Variants in LUZP2 observed in about 807,000 individuals in gnomAD.
The protein encoded by LUZP2 is leucine zipper protein 2.
Under a neutral mutation model 51.6 loss-of-function variants are expected in LUZP2, and 52 were observed. That is an observed-to-expected ratio of 1.01 (90% confidence interval 0.81 to 1.27). The LOEUF is 1.27. LUZP2 is among the 50% of genes most tolerant of loss of function. The pLI, the probability that LUZP2 is intolerant of heterozygous loss-of-function variation, is 0.00. For missense variants in LUZP2, 436 were observed against 395.4 expected (o/e 1.10, Z -0.87); for synonymous variants, 154 against 137.3 (o/e 1.12, Z -0.85).
At chr11:24,721,308 C>T (rs1315261601) in intron 1 of LUZP2, among the ~76,000 whole-genome samples, 2 of 151,334 alleles carry the variant, frequency 1.3e-5, no homozygotes, top group East Asian at 3.9e-4. Flanking sequence ...GATTAAGAAA[C>T]TAGAAAGGGA....
At chr11:24,667,449 T>G (rs1455139397) in intron 1 of LUZP2, among the ~76,000 whole-genome samples, 1 of 152,128 alleles carries the variant, frequency 6.6e-6, no homozygotes, top group African/African-American at 2.4e-5. Flanking sequence ...CCTCCCAAAC[T>G]GCTGGGATTA....
intron 9 of LUZP2, among the ~76,000 whole-genome samples, chr11:25,034,453 T>C (rs895623952): frequency 6.6e-6 from 1 of 152,154 alleles, no homozygotes. Flanking sequence ...TTTGTTGTTG[T>C]TGCAATTGCT....
intron 1 of LUZP2, among the ~76,000 whole-genome samples, chr11:24,503,523 T>G (rs1027473153): frequency 3.9e-5 from 6 of 152,246 alleles, no homozygotes; most frequent in Admixed American, 1.3e-4. Context: ...CCATAGGTAG[T>G]GATTGCATTG....
chr11:24,682,607 T>TAC (rs769050773), intron 1 of LUZP2, among the ~76,000 whole-genome samples: 26,570 of 146,208 alleles, frequency 0.18, 2,531 homozygotes, highest in East Asian at 0.32. Context: ...TGTATATATA[T>TAC]GTGTATGTGT....
chr11:24,619,841 T>C (rs1013362516), intron 1 of LUZP2, among the ~76,000 whole-genome samples: 2 of 152,180 alleles, frequency 1.3e-5, no homozygotes, highest in Admixed American at 6.5e-5. Context: ...TCAGTACAGA[T>C]GCAATTTTTT....
Position 24,866,809 on chromosome 11 carries a change from T to C in LUZP2, c.397-39182T>C, listed in dbSNP as rs76493744. 7.0e-3 allele frequency among the ~76,000 whole-genome samples: 1,058 copies of C among 152,142 alleles called. 7 individuals carry two copies. Among genetic ancestry groups the C allele is most frequent in the Non-Finnish European group, 0.012 (822 of 67,992 alleles). On this transcript the variant is annotated intron_variant, in intron 5 of 11. Transcript: ENST00000336930. ...TGCAGGATTTTAATTAGTGCAGAAG[T>C]GTAGAATGGGAGGAAGTGGAAAAAA... is the stretch of plus-strand genomic sequence containing the variant.
intron 1 of LUZP2, among the ~76,000 whole-genome samples, chr11:24,571,817 C>G (rs1286947587): frequency 6.6e-6 from 1 of 151,996 alleles, no homozygotes; most frequent in African/African-American, 2.4e-5. Context: ...TTTAGGTTGG[C>G]TTTATCCACC....
intron 5 of LUZP2, among the ~76,000 whole-genome samples, chr11:24,775,009 A>G (rs1214218308): frequency 6.6e-6 from 1 of 151,358 alleles, no homozygotes; most frequent in Non-Finnish European, 1.5e-5. Context: ...CAGGTGACAT[A>G]TTTGCCATAT....
At chr11:24,673,506 T>A (rs965724015) in intron 1 of LUZP2, among the ~76,000 whole-genome samples, 2 of 152,172 alleles carry the variant, frequency 1.3e-5, no homozygotes, top group African/African-American at 4.8e-5. Context: ...TTGATTTGTT[T>A]CTTCAGCTAA....
chr11:24,963,276 A>G (rs1445382631), intron 7 of LUZP2, among the ~76,000 whole-genome samples: 2 of 152,148 alleles, frequency 1.3e-5, no homozygotes, highest in South Asian at 2.1e-4. Flanking sequence ...TGCTGGGAGA[A>G]CCACTGCTCT....
intron 7 of LUZP2, among the ~76,000 whole-genome samples, chr11:24,967,244 G>A (rs1855610342): frequency 6.6e-6 from 1 of 151,864 alleles, no homozygotes; most frequent in African/African-American, 2.4e-5. Context: ...GGGAATTACA[G>A]TCTGTTTGTA....
At chr11:24,803,501 G>A (rs1849755212) in intron 5 of LUZP2, among the ~76,000 whole-genome samples, 1 of 151,730 alleles carries the variant, frequency 6.6e-6, no homozygotes, top group Admixed American at 6.6e-5. Flanking sequence ...TTTTCTGCAA[G>A]CAGAGTCTCA....
At chr11:24,849,768 C>T (rs1210381925) in intron 5 of LUZP2, among the ~76,000 whole-genome samples, 1 of 152,122 alleles carries the variant, frequency 6.6e-6, no homozygotes, top group East Asian at 1.9e-4. Context: ...CCTATTTCTC[C>T]ACATCCTCTC....
chr11:24,550,673 G>T (rs1254659050), intron 1 of LUZP2, among the ~76,000 whole-genome samples: 2 of 152,032 alleles, frequency 1.3e-5, no homozygotes, highest in South Asian at 4.1e-4. Context: ...TTTGGAACAG[G>T]AATGAATGTA....
chr11:24,999,352 G>A lies in LUZP2; in HGVS notation c.765+16059G>A, dbSNP rs368975607. On this transcript the variant is annotated intron_variant, in intron 9 of 11. Coordinates refer to ENST00000336930, the MANE Select transcript of LUZP2 (RefSeq NM_001009909.4). Reference sequence around the variant, plus strand: ...AGGGGAAGAAGAAGAGGAAAAAGAAGAAGGAGGAGGAAGAGGAGGAAGGAG... The same window carrying A: ...AGGGGAAGAAGAAGAGGAAAAAGAAAAAGGAGGAGGAAGAGGAGGAAGGAG... Among the ~76,000 whole-genome samples, 18 of 151,990 alleles carry A rather than the reference G, an allele frequency of 1.2e-4. No homozygotes were observed. The East Asian group carries it at 3.3e-3, about 28-fold the overall frequency.
At chr11:24,561,183 A>G (rs182695631) in intron 1 of LUZP2, among the ~76,000 whole-genome samples, 35 of 152,286 alleles carry the variant, frequency 2.3e-4, no homozygotes, top group Admixed American at 6.5e-4. Context: ...TGTCTTGAAA[A>G]GCTTATAACA....
chr11:25,012,400 A>G (rs1031394305), intron 9 of LUZP2, among the ~76,000 whole-genome samples: 2 of 152,160 alleles, frequency 1.3e-5, no homozygotes, highest in African/African-American at 4.8e-5. Context: ...CCCATTAGAC[A>G]TTGTAAATAT....
intron 1 of LUZP2, among the ~76,000 whole-genome samples, chr11:24,727,443 C>T (rs1246291469): frequency 2.0e-5 from 3 of 151,968 alleles, no homozygotes; most frequent in Non-Finnish European, 4.4e-5. Flanking sequence ...ATTTCATTTA[C>T]TCTTCAGAAC....
chr11:25,058,766 G>A (rs895026393), intron 10 of LUZP2, among the ~76,000 whole-genome samples: 7 of 152,154 alleles, frequency 4.6e-5, no homozygotes. Context: ...TCCTGCCGTT[G>A]GCTCCATCAA....
Sources: gnomAD v4.1 joint callset for allele counts (sites outside exome capture counted in the v4.1 genomes callset) on GRCh38, gnomAD v4.1.1 for gene constraint, MANE v1.5 for transcripts, NCBI Gene and HGNC (gene_info 2026-07-23, HGNC 2026-07-21) for gene names.